Variants in RAPGEF2 observed in about 807,000 individuals in gnomAD.
RAPGEF2 encodes Rap guanine nucleotide exchange factor 2, also known as PDZ domain containing guanine nucleotide exchange factor (GEF) 1.
A neutral mutation model predicts 186.7 loss-of-function variants in RAPGEF2; 54 were observed. The observed-to-expected ratio is 0.29, with a 90% CI of 0.23 to 0.36. The LOEUF is 0.36. Among genes scored for constraint, RAPGEF2 ranks in the 10% least tolerant of loss-of-function variants. The probability of loss-of-function intolerance (pLI) is 1.00; values close to 1 mark genes in which losing one functional copy is unlikely to be tolerated. For synonymous variants in RAPGEF2, 712 were observed against 705.9 expected, an observed-to-expected ratio of 1.01 and a Z score of -0.14; for missense variants, 1,532 against 2,045.0, an observed-to-expected ratio of 0.75 and a Z score of 4.84.
chr4:159,282,640 G>T, intron 7 of RAPGEF2: 1 of 449,906 alleles, frequency 2.2e-6, no homozygotes, highest in Non-Finnish European at 4.5e-6. Context: ...ACTACATCAT[G>T]GTATGTATTC....
In RAPGEF2 at chr4:159,104,037, C is replaced by G. The variant is rs905388193; in HGVS notation, c.-126C>G. On this transcript the variant is annotated 5_prime_UTR_variant, in exon 1 of 30. Coordinates refer to ENST00000691494, the MANE Select transcript of RAPGEF2 (RefSeq NM_001394067.2). ...CGCGGGCCCCGCGCCGCCGCCGCCG[C>G]GGTTTGGCTGATTAGTCGCGGGCGG... The G allele has an allele frequency of 2.9e-6, 1 of 349,570 alleles. No homozygotes were observed. The highest frequency in any genetic ancestry group is 4.1e-6 in the Non-Finnish European group (1 of 245,512). The allele number at this position is 349,570 out of a possible 1,614,324, so 21.7% of individuals were successfully genotyped here. A position where few individuals can be genotyped will look rare whatever the true frequency, so the allele number is the denominator to read the frequency against.
In RAPGEF2 at chr4:159,343,015, G is replaced by A. The variant is rs371813864; in HGVS notation, c.2955G>A (p.Thr985=). 3.0e-4 allele frequency: 486 copies of A among 1,613,796 alleles called. No homozygotes were observed. The highest frequency in any genetic ancestry group is 3.7e-4 in the Non-Finnish European group (433 of 1,179,922). Residue 985 remains threonine, a synonymous_variant, in exon 21 of 30, where the codon ACG becomes ACA. Coordinates refer to ENST00000691494, the MANE Select transcript of RAPGEF2 (RefSeq NM_001394067.2). ...TGGCACCAGTGGCAAGACTGCGAAC[G>A]ACCTGGGAGAAACTTCCCAATAAAT... The part of the protein sequence containing the change: ...LNLAPVARLR[T]TWEKLPNKYE...
At chr4:159,225,367 T>G (rs965084801) in intron 4 of RAPGEF2, among the ~76,000 whole-genome samples, 1 of 152,234 alleles carries the variant, frequency 6.6e-6, no homozygotes, top group African/African-American at 2.4e-5. Flanking sequence ...ATTTTGTAAA[T>G]GAGGCAGTAT....
intron 1 of RAPGEF2, among the ~76,000 whole-genome samples, chr4:159,159,267 C>T (rs1744449109): frequency 6.6e-6 from 1 of 152,204 alleles, no homozygotes; most frequent in African/African-American, 2.4e-5. Flanking sequence ...ACAAGTTGTA[C>T]CCTCAGATTC....
At position 159,298,880 on chromosome 4, in the gene RAPGEF2, G is replaced by A. The variant is rs545260798; in HGVS notation, c.544-5462G>A. ...CACTTTAGTCATTTCTGTGTGCCAGGCACTTCTCTAAGTCCTTCACACCCA... is the reference window on the plus strand; with the variant it reads ...CACTTTAGTCATTTCTGTGTGCCAGACACTTCTCTAAGTCCTTCACACCCA... On this transcript the variant is annotated intron_variant, in intron 7 of 29. Coordinates refer to ENST00000691494, the MANE Select transcript of RAPGEF2 (RefSeq NM_001394067.2). Among the ~76,000 whole-genome samples, 4 of 152,130 alleles carry A rather than the reference G, an allele frequency of 2.6e-5. No homozygotes were observed. In the South Asian group the frequency reaches 8.3e-4, roughly 32 times the overall value.
At chr4:159,105,678 C>G (rs1737791998) in intron 1 of RAPGEF2, among the ~76,000 whole-genome samples, 1 of 152,184 alleles carries the variant, frequency 6.6e-6, no homozygotes, top group Non-Finnish European at 1.5e-5. Flanking sequence ...CTTTCCTATG[C>G]CTTTCTCATC....
chr4:159,203,228 T>G (rs914290561), intron 3 of RAPGEF2, among the ~76,000 whole-genome samples: 5 of 152,220 alleles, frequency 3.3e-5, no homozygotes, highest in African/African-American at 1.2e-4. Flanking sequence ...TTTTTCCATT[T>G]ACTGGTAAAC....
At chr4:159,163,248 A>G (rs1259698235) in intron 1 of RAPGEF2, among the ~76,000 whole-genome samples, 1 of 152,202 alleles carries the variant, frequency 6.6e-6, no homozygotes, top group Non-Finnish European at 1.5e-5. Context: ...ACAGATTTGT[A>G]AAATGTGGCA....
chr4:159,347,679 G>A (rs1186542353), intron 25 of RAPGEF2, among the ~76,000 whole-genome samples: 2 of 152,182 alleles, frequency 1.3e-5, no homozygotes, highest in Non-Finnish European at 2.9e-5. Flanking sequence ...AGCTACTCGG[G>A]AGGCCGAGGC....
rs1316417765 is a variant in RAPGEF2 at position 159,353,055 on chromosome 4, T to C, written c.4091+145T>C. ...CATCCCAGTTCTGATTTTCACAATT[T>C]CTACACTAAGTATCATGTTATTTTT... On this transcript the variant is annotated intron_variant, in intron 27 of 29. Coordinates refer to ENST00000691494, the MANE Select transcript of RAPGEF2 (RefSeq NM_001394067.2). The surrounding 1 kb of genome is among the most constrained non-coding windows in gnomAD (Gnocchi z 4.3). 1.3e-6 allele frequency: 1 copy of C among 775,680 alleles called. No homozygotes were observed. The highest frequency in any genetic ancestry group is 1.8e-5 in the African/African-American group (1 of 56,774). The allele number at this position is 775,680 out of a possible 1,614,324, so 48.0% of individuals were successfully genotyped here. A position where few individuals can be genotyped will look rare whatever the true frequency, so the allele number is the denominator to read the frequency against.
At chr4:159,352,469 C>A (rs961406795) in intron 26 of RAPGEF2, 1 of 504,114 alleles carries the variant, frequency 2.0e-6, no homozygotes, top group Non-Finnish European at 3.5e-6. Context: ...AGGATACTTT[C>A]TTTTTTCCTC....
intron 7 of RAPGEF2, among the ~76,000 whole-genome samples, chr4:159,269,949 G>C (rs1757912481): frequency 6.6e-6 from 1 of 152,212 alleles, no homozygotes; most frequent in Non-Finnish European, 1.5e-5. Context: ...ACCCAATAGT[G>C]CCTAAACTAG....
chr4:159,276,711 C>G (rs1758926494), intron 7 of RAPGEF2, among the ~76,000 whole-genome samples: 2 of 151,988 alleles, frequency 1.3e-5, no homozygotes, highest in Admixed American at 6.6e-5. Flanking sequence ...TGGGCATATT[C>G]CCAGATTTCT....
intron 17 of RAPGEF2, among the ~76,000 whole-genome samples, chr4:159,336,421 G>C (rs1290395885): frequency 6.6e-6 from 1 of 151,988 alleles, no homozygotes; most frequent in African/African-American, 2.4e-5. Flanking sequence ...GAGAACATAG[G>C]GATTTTGGTT....
rs564453360 is a variant in RAPGEF2 at position 159,272,356 on chromosome 4, T to C, written c.543+28565T>C. On this transcript the variant is annotated intron_variant, in intron 7 of 29. Coordinates refer to ENST00000691494, the MANE Select transcript of RAPGEF2 (RefSeq NM_001394067.2). ...TTTCCCTTATAAACATACAAGATTG[T>C]GCTCTTTTATTTTAGGACAAGCTGG... 1.2e-4 allele frequency among the ~76,000 whole-genome samples: 19 copies of C among 152,356 alleles called. No homozygotes were observed. The East Asian group carries it at 3.5e-3, about 28-fold the overall frequency.
Position 159,323,498 on chromosome 4 carries a change from G to C in RAPGEF2, c.1030G>C (p.Val344Leu), listed in dbSNP as rs778586720. 6.2e-7 allele frequency: 1 copy of C among 1,611,806 alleles called. No individual in the cohort carries two copies. The highest frequency in any genetic ancestry group is 8.5e-7 in the Non-Finnish European group (1 of 1,178,940). The change falls in exon 11 of 30, where the codon GTG (valine) becomes CTG (leucine). Residue 344 changes from valine to leucine, a missense_variant. Around this residue, in one of 4 missense-constraint regions of RAPGEF2, gnomAD observed 810 missense variants for 1,210.5 expected, o/e 0.67. Coordinates refer to ENST00000691494, the MANE Select transcript of RAPGEF2 (RefSeq NM_001394067.2). ...WSVILNGSVE[V>L]TYPDGKAEIL... Reference sequence around the variant, plus strand: ...AGTGATTCTCAATGGATCTGTGGAAGTGACTTATCCAGATGGAAAAGCAGA... The same window carrying C: ...AGTGATTCTCAATGGATCTGTGGAACTGACTTATCCAGATGGAAAAGCAGA...
intron 7 of RAPGEF2, among the ~76,000 whole-genome samples, chr4:159,258,438 T>C (rs1369513899): frequency 6.6e-6 from 1 of 152,168 alleles, no homozygotes; most frequent in African/African-American, 2.4e-5. Flanking sequence ...GCAAGTTTAT[T>C]TGGAAGCATT....
chr4:159,137,058 G>A (rs1741795943), intron 1 of RAPGEF2, among the ~76,000 whole-genome samples: 1 of 152,156 alleles, frequency 6.6e-6, no homozygotes. Context: ...GGGGTTGGTA[G>A]TAACTGTATT....
intron 4 of RAPGEF2, among the ~76,000 whole-genome samples, chr4:159,221,618 C>T (rs1751546972): frequency 6.6e-6 from 1 of 152,094 alleles, no homozygotes; most frequent in Non-Finnish European, 1.5e-5. Flanking sequence ...GGCAGGGAAC[C>T]CACGGTCTCT....
Sources: allele counts gnomAD v4.1 joint callset (sites outside exome capture counted in the v4.1 genomes callset), GRCh38; gene constraint gnomAD v4.1.1; regional missense constraint gnomAD v4.1.1; non-coding constraint Gnocchi (gnomAD v3.1); transcripts MANE v1.5; gene names NCBI Gene and HGNC (gene_info 2026-07-23, HGNC 2026-07-21).